LRRTM4: variants seen among roughly 807,000 people sequenced by gnomAD.
LRRTM4 encodes leucine-rich repeat transmembrane neuronal protein 4.
In LRRTM4, 25 loss-of-function variants were observed where a neutral mutation model predicts 47.6. The observed-to-expected ratio is 0.53, with a 90% CI of 0.38 to 0.73. The LOEUF (loss-of-function observed/expected upper bound fraction) is 0.73, where lower values mean the gene tolerates loss of function less well. LRRTM4 is among the 30% of genes least tolerant of loss of function. The probability of loss-of-function intolerance (pLI) is 0.00; values close to 1 mark genes in which losing one functional copy is unlikely to be tolerated. For missense variants in LRRTM4, 638 were observed against 713.4 expected, an observed-to-expected ratio of 0.89 and a Z score of 1.20; for synonymous variants, 311 against 269.5, an observed-to-expected ratio of 1.15 and a Z score of -1.51.
intron 3 of LRRTM4, among the ~76,000 whole-genome samples, chr2:76,956,207 G>A (rs1275635983): frequency 1.3e-5 from 2 of 151,506 alleles, no homozygotes; most frequent in East Asian, 3.9e-4. Context: ...CATAAAGCAA[G>A]GTTTAACAAA....
At chr2:76,784,407 A>G (rs1255063219) in intron 3 of LRRTM4, among the ~76,000 whole-genome samples, 1 of 152,064 alleles carries the variant, frequency 6.6e-6, no homozygotes, top group East Asian at 1.9e-4. Context: ...TCTAATTACT[A>G]TGCTACCATT....
At chr2:77,411,212 C>T (rs1418159571) in intron 3 of LRRTM4, among the ~76,000 whole-genome samples, 1 of 152,124 alleles carries the variant, frequency 6.6e-6, no homozygotes, top group East Asian at 1.9e-4. Flanking sequence ...AGTCCACTGG[C>T]AGTCTACCTT....
At position 76,942,416 on chromosome 2, in the gene LRRTM4, A is replaced by C. The variant is rs114189859; in HGVS notation, c.1552-193500T>G. Among the ~76,000 whole-genome samples, 673 of 151,974 alleles carry C rather than the reference A, an allele frequency of 4.4e-3. 7 individuals are homozygous for C. Among genetic ancestry groups the C allele is most frequent in the African/African-American group, 0.016 (645 of 41,464 alleles). ...GCTGACGGGGTGTTAAGATTTAAAG[A>C]TCATTGGTGCTTTGCCCCTTGAAGG... On this transcript the variant is annotated intron_variant, in intron 3 of 3. Coordinates refer to ENST00000409884, the MANE Select transcript of LRRTM4 (RefSeq NM_001134745.3).
At chr2:76,771,273 A>C (rs1252823120) in intron 3 of LRRTM4, among the ~76,000 whole-genome samples, 1 of 152,226 alleles carries the variant, frequency 6.6e-6, no homozygotes, top group African/African-American at 2.4e-5. Flanking sequence ...GCTCTTCGGA[A>C]ACAGTATCAA....
At chr2:77,343,300 C>A (rs1354960130) in intron 3 of LRRTM4, among the ~76,000 whole-genome samples, 5 of 151,838 alleles carry the variant, frequency 3.3e-5, no homozygotes, top group African/African-American at 9.7e-5. Flanking sequence ...TTGGTCTTGT[C>A]ATAAAATAGA....
intron 3 of LRRTM4, among the ~76,000 whole-genome samples, chr2:77,068,080 T>A (rs1219542470): frequency 6.6e-6 from 1 of 152,154 alleles, no homozygotes; most frequent in Non-Finnish European, 1.5e-5. Context: ...AGAGGTGATA[T>A]ATGGACAAGA....
intron 3 of LRRTM4, among the ~76,000 whole-genome samples, chr2:77,124,194 G>A (rs1671596841): frequency 6.6e-6 from 1 of 152,042 alleles, no homozygotes; most frequent in Non-Finnish European, 1.5e-5. Context: ...TATATCTGGA[G>A]CAACTGGGGC....
intron 3 of LRRTM4, among the ~76,000 whole-genome samples, chr2:76,913,092 A>G (rs114491006): frequency 0.011 from 1,724 of 152,306 alleles, 39 homozygotes; most frequent in African/African-American, 0.039. Context: ...GAAAAATCTT[A>G]TAATTTACTC....
intron 3 of LRRTM4, among the ~76,000 whole-genome samples, chr2:76,909,113 C>T (rs1304525541): frequency 6.6e-6 from 1 of 152,284 alleles, no homozygotes; most frequent in East Asian, 1.9e-4. Flanking sequence ...GCTACAGTAA[C>T]CAAAACAGCA....
chr2:77,466,442 G>A (rs1676985030), intron 3 of LRRTM4, among the ~76,000 whole-genome samples: 1 of 152,160 alleles, frequency 6.6e-6, no homozygotes, highest in African/African-American at 2.4e-5. Context: ...CTTAATTCAA[G>A]GAAGTGAAGG....
chr2:76,973,858 C>G (rs1239505421), intron 3 of LRRTM4, among the ~76,000 whole-genome samples: 6 of 151,824 alleles, frequency 4.0e-5, no homozygotes, highest in Admixed American at 3.9e-4. Context: ...CTAATTCTCA[C>G]AGCTGAGATT....
At chr2:77,492,116 G>A (rs572210287) in intron 3 of LRRTM4, among the ~76,000 whole-genome samples, 14 of 152,016 alleles carry the variant, frequency 9.2e-5, no homozygotes, top group African/African-American at 3.4e-4. Flanking sequence ...TCAAAAGAAA[G>A]TGACCCACAT....
chr2:77,368,182 G>A (rs550462369), intron 3 of LRRTM4, among the ~76,000 whole-genome samples: 10 of 151,644 alleles, frequency 6.6e-5, no homozygotes, highest in Non-Finnish European at 1.2e-4. Flanking sequence ...AGGAACAGGT[G>A]TGGGCAGGTG....
At chr2:77,375,710 A>G (rs973658748) in intron 3 of LRRTM4, among the ~76,000 whole-genome samples, 14 of 151,784 alleles carry the variant, frequency 9.2e-5, no homozygotes, top group African/African-American at 3.1e-4. Context: ...TCTGGCCTAT[A>G]ACATCCAGCA....
chr2:77,454,251 G>C lies in LRRTM4; in HGVS notation c.1551+64067C>G, dbSNP rs148459137. 4.4e-3 allele frequency among the ~76,000 whole-genome samples: 670 copies of C among 152,156 alleles called. 2 individuals are homozygous for C. Among genetic ancestry groups the C allele is most frequent in the Non-Finnish European group, 6.7e-3 (457 of 68,002 alleles). On this transcript the variant is annotated intron_variant, in intron 3 of 3. Transcript: ENST00000409884. ...AAGGTAGTTTCACTTATTCTTTAAT[G>C]AACACCCGTATTTTAATTCCTAAAA...
chr2:77,226,456 A>C (rs932760917), intron 3 of LRRTM4, among the ~76,000 whole-genome samples: 1 of 151,434 alleles, frequency 6.6e-6, no homozygotes, highest in Admixed American at 6.6e-5. Context: ...AAGCATAAAC[A>C]TGTAATCCTG....
At chr2:77,090,731 A>G (rs889439450) in intron 3 of LRRTM4, among the ~76,000 whole-genome samples, 9 of 152,162 alleles carry the variant, frequency 5.9e-5, no homozygotes, top group Non-Finnish European at 8.8e-5. Context: ...CATTTGTGCC[A>G]GACCCCACTG....
chr2:77,004,412 C>T (rs1677556125), intron 3 of LRRTM4, among the ~76,000 whole-genome samples: 1 of 152,166 alleles, frequency 6.6e-6, no homozygotes, highest in Non-Finnish European at 1.5e-5. Context: ...AAGCTCCAAG[C>T]CTCAGCAGCT....
At chr2:76,798,134 C>T (rs953550303) in intron 3 of LRRTM4, among the ~76,000 whole-genome samples, 1 of 152,112 alleles carries the variant, frequency 6.6e-6, no homozygotes, top group African/African-American at 2.4e-5. Context: ...CACACCAAAT[C>T]AACACAATAT....
Sources: allele counts gnomAD v4.1 joint callset (sites outside exome capture counted in the v4.1 genomes callset), GRCh38; gene constraint gnomAD v4.1.1; transcripts MANE v1.5; gene names NCBI Gene and HGNC (gene_info 2026-07-23, HGNC 2026-07-21).